Variants in ST6GALNAC3 observed in about 807,000 individuals in gnomAD.
ST6GALNAC3 encodes ST6 N-acetylgalactosaminide alpha-2,6-sialyltransferase 3.
In ST6GALNAC3, 25 loss-of-function variants were observed where a neutral mutation model predicts 32.7. The ratio of observed to expected loss-of-function variants is 0.76; its 90% CI spans 0.56 to 1.07. The LOEUF is 1.07. Among genes scored for constraint, ST6GALNAC3 ranks in the 50% least tolerant of loss-of-function variants. The pLI is 0.00. For synonymous variants in ST6GALNAC3, 129 were observed against 133.1 expected (o/e 0.97, Z 0.21); for missense variants, 355 against 382.4 (o/e 0.93, Z 0.60).
At chr1:76,177,097 G>A (rs1248883195) in intron 1 of ST6GALNAC3, among the ~76,000 whole-genome samples, 1 of 152,108 alleles carries the variant, frequency 6.6e-6, no homozygotes, top group African/African-American at 2.4e-5. Flanking sequence ...AAGAAGAAAA[G>A]AAGGTTAAGA....
At chr1:76,263,289 G>A (rs2100734415) in intron 1 of ST6GALNAC3, among the ~76,000 whole-genome samples, 1 of 152,250 alleles carries the variant, frequency 6.6e-6, no homozygotes, top group South Asian at 2.1e-4. Context: ...GCCCACGCAT[G>A]CAAAGCACCT....
chr1:76,105,781 A>G (rs572265745), intron 1 of ST6GALNAC3, among the ~76,000 whole-genome samples: 2 of 152,256 alleles, frequency 1.3e-5, no homozygotes, highest in Non-Finnish European at 2.9e-5. Flanking sequence ...AGCCCTATAA[A>G]ATACATCCTG....
chr1:76,322,976 G>C (rs912711757), intron 2 of ST6GALNAC3, among the ~76,000 whole-genome samples: 8 of 152,060 alleles, frequency 5.3e-5, no homozygotes, highest in African/African-American at 1.7e-4. Context: ...GAGTAGCTGG[G>C]ATTACAGGCA....
intron 1 of ST6GALNAC3, among the ~76,000 whole-genome samples, chr1:76,207,984 T>C (rs1654915059): frequency 6.6e-6 from 1 of 152,204 alleles, no homozygotes; most frequent in African/African-American, 2.4e-5. Context: ...TGAGTTCTGC[T>C]GCTGTGCTTC....
chr1:76,273,024 A>G (rs957188771), intron 1 of ST6GALNAC3, among the ~76,000 whole-genome samples: 1 of 152,198 alleles, frequency 6.6e-6, no homozygotes, highest in African/African-American at 2.4e-5. Context: ...ATAGTCGTGC[A>G]TTTATAAATT....
intron 1 of ST6GALNAC3, among the ~76,000 whole-genome samples, chr1:76,205,413 G>A (rs917995678): frequency 2.0e-5 from 3 of 151,938 alleles, no homozygotes; most frequent in Non-Finnish European, 2.9e-5. Context: ...AGGGTTCCCT[G>A]ACACACAGGT....
At chr1:76,334,511 T>A (rs906361390) in intron 2 of ST6GALNAC3, among the ~76,000 whole-genome samples, 1 of 152,208 alleles carries the variant, frequency 6.6e-6, no homozygotes, top group African/African-American at 2.4e-5. Context: ...AAAGATACCA[T>A]GTTAGAAGTA....
chr1:76,288,529 T>A (rs908329769), intron 1 of ST6GALNAC3, among the ~76,000 whole-genome samples: 1 of 152,130 alleles, frequency 6.6e-6, no homozygotes, highest in African/African-American at 2.4e-5. Context: ...ATGGCACACA[T>A]AATTGTCAAG....
At chr1:76,383,261 CTATT>C (rs1189995210) in intron 2 of ST6GALNAC3, among the ~76,000 whole-genome samples, 6 of 151,824 alleles carry the variant, frequency 4.0e-5, no homozygotes, top group Admixed American at 6.6e-5. Context: ...TATTATTTAT[CTATT>C]TATTTATTTT....
At chr1:76,373,076 C>T (rs1200069003) in intron 2 of ST6GALNAC3, among the ~76,000 whole-genome samples, 1 of 152,126 alleles carries the variant, frequency 6.6e-6, no homozygotes, top group Admixed American at 6.6e-5. Context: ...GGATTATAGG[C>T]GTGAGCCACG....
intron 1 of ST6GALNAC3, among the ~76,000 whole-genome samples, chr1:76,185,691 C>G (rs1653507971): frequency 6.6e-6 from 1 of 152,160 alleles, no homozygotes; most frequent in South Asian, 2.1e-4. Flanking sequence ...CAGCATTGTG[C>G]TGGCATTAGG....
intron 3 of ST6GALNAC3, among the ~76,000 whole-genome samples, chr1:76,505,216 C>T (rs369962656): frequency 6.6e-6 from 1 of 151,796 alleles, no homozygotes; most frequent in African/African-American, 2.4e-5. Flanking sequence ...CTCTGCCTCC[C>T]GGGTTCAAGC....
chr1:76,589,767 CACT>C (rs945574353), intron 3 of ST6GALNAC3, among the ~76,000 whole-genome samples: 10 of 151,266 alleles, frequency 6.6e-5, no homozygotes, highest in African/African-American at 2.4e-4. Flanking sequence ...AGCAAGATCC[CACT>C]ACAAGCAGAT....
At chr1:76,156,008 G>A (rs1046758244) in intron 1 of ST6GALNAC3, among the ~76,000 whole-genome samples, 1 of 152,076 alleles carries the variant, frequency 6.6e-6, no homozygotes, top group African/African-American at 2.4e-5. Flanking sequence ...GGCGGTAGTG[G>A]TTTCTCAGAC....
At chr1:76,383,283 G>C (rs1202896009) in intron 2 of ST6GALNAC3, among the ~76,000 whole-genome samples, 3 of 151,896 alleles carry the variant, frequency 2.0e-5, no homozygotes, top group Non-Finnish European at 4.4e-5. Context: ...TTTTTTTAAA[G>C]TTGTAGAGAC....
intron 1 of ST6GALNAC3, among the ~76,000 whole-genome samples, chr1:76,212,910 G>A (rs560560275): frequency 2.1e-4 from 32 of 152,110 alleles, no homozygotes; most frequent in Non-Finnish European, 4.0e-4. Flanking sequence ...ACACAGGAAG[G>A]GAGAAAGAAA....
At chr1:76,334,261 G>A (rs1003548534) in intron 2 of ST6GALNAC3, among the ~76,000 whole-genome samples, 4 of 152,180 alleles carry the variant, frequency 2.6e-5, no homozygotes, top group Non-Finnish European at 4.4e-5. Context: ...TAAACTTGCT[G>A]TGTAACTATA....
chr1:76,246,473 G>T (rs1657265437), intron 1 of ST6GALNAC3, among the ~76,000 whole-genome samples: 1 of 152,070 alleles, frequency 6.6e-6, no homozygotes, highest in Admixed American at 6.5e-5. Context: ...TGGTTATTTT[G>T]CACATTAGTT....
At chr1:76,535,257 A>AT (rs1487894849) in intron 3 of ST6GALNAC3, among the ~76,000 whole-genome samples, 1 of 152,184 alleles carries the variant, frequency 6.6e-6, no homozygotes, top group African/African-American at 2.4e-5. Context: ...GTCTACTATT[A>AT]TTTTTATAAA....
Sources: gnomAD v4.1 joint callset for allele counts (sites outside exome capture counted in the v4.1 genomes callset) on GRCh38, gnomAD v4.1.1 for gene constraint, MANE v1.5 for transcripts, NCBI Gene and HGNC (gene_info 2026-07-23, HGNC 2026-07-21) for gene names.